The following LRP5 variants were observed in gnomAD, a reference collection of about 807,000 sequenced individuals.
LRP5 encodes the protein low-density lipoprotein receptor-related protein 5.
In LRP5, 62 loss-of-function variants were observed where a neutral mutation model predicts 154.1. That is an observed-to-expected ratio of 0.40 (90% CI 0.33 to 0.50). The LOEUF is 0.50. LRP5 is among the 20% of genes least tolerant of loss of function. The pLI, the probability that LRP5 is intolerant of heterozygous loss-of-function variation, is 0.55. For synonymous variants in LRP5, 966 were observed against 1,011.5 expected, an observed-to-expected ratio of 0.96 and a Z score of 0.85; for missense variants, 1,915 against 2,336.7, an observed-to-expected ratio of 0.82 and a Z score of 3.72.
At chr11:68,390,910 T>G (rs1565069020) in intron 7 of LRP5, among the ~76,000 whole-genome samples, 1 of 152,388 alleles carries the variant, frequency 6.6e-6, no homozygotes, top group East Asian at 1.9e-4. Flanking sequence ...CTTTGGCAGC[T>G]TTTTGCTCAC....
At chr11:68,358,940 A>G (rs1023073016) in intron 3 of LRP5, among the ~76,000 whole-genome samples, 7 of 152,202 alleles carry the variant, frequency 4.6e-5, no homozygotes, top group Non-Finnish European at 1.0e-4. Context: ...GTCTGTGCAG[A>G]GGGCAGTAGT....
chr11:68,443,613 A>G, intron 21 of LRP5, among the ~76,000 whole-genome samples: 1 of 100,274 alleles, frequency 1.0e-5, no homozygotes, highest in Non-Finnish European at 1.9e-5. Context: ...TATGTTCAGA[A>G]AGGCCTTCCC....
chr11:68,331,743 CTGTG>C (rs60278908), intron 1 of LRP5, among the ~76,000 whole-genome samples: 100,874 of 148,046 alleles, frequency 0.68, 35,494 homozygotes, highest in East Asian at 0.86. Context: ...TTCCTCTGGG[CTGTG>C]TGTGTGTGTG....
At position 68,425,150 on chromosome 11, in the gene LRP5, C is replaced by G; in HGVS notation, c.3285C>G (p.Arg1095=). 6.2e-7 allele frequency: 1 copy of G among 1,613,834 alleles called. No homozygotes were observed. Among genetic ancestry groups the G allele is most frequent in the Non-Finnish European group, 8.5e-7 (1 of 1,179,966 alleles). ...NMQDRAAKIE[R]AALDGTEREV... ...AGGACCGGGCAGCCAAGATCGAACG[C>G]GCAGCCCTGGACGGCACCGAGCGCG... The change falls in exon 15 of 23, where the codon CGC becomes CGG. Residue 1095 remains arginine (R), a synonymous_variant. Coordinates refer to ENST00000294304, the MANE Select transcript of LRP5 (RefSeq NM_002335.4).
chr11:68,301,086 C>T, the LRP5 span, among the ~76,000 whole-genome samples: 8 of 147,702 alleles, frequency 5.4e-5, no homozygotes, highest in African/African-American at 9.7e-5. Context: ...TGCACCACCA[C>T]GTCTGGCTAA....
At chr11:68,342,293 T>C (rs1308595777) in intron 1 of LRP5, among the ~76,000 whole-genome samples, 1 of 152,010 alleles carries the variant, frequency 6.6e-6, no homozygotes, top group Non-Finnish European at 1.5e-5. Flanking sequence ...TTCTCCCCTC[T>C]CCCCACCAAA....
At chr11:68,431,519 C>A (rs1358235564) in intron 17 of LRP5, among the ~76,000 whole-genome samples, 1 of 152,092 alleles carries the variant, frequency 6.6e-6, no homozygotes, top group Non-Finnish European at 1.5e-5. Flanking sequence ...GGATTACAGG[C>A]GTGAGCCACC....
At chr11:68,399,955 C>T (rs587397) in intron 7 of LRP5, among the ~76,000 whole-genome samples, 3 of 152,106 alleles carry the variant, frequency 2.0e-5, no homozygotes, top group African/African-American at 7.3e-5. Flanking sequence ...TGGGATTCTG[C>T]GATCTGGGTG....
intron 1 of LRP5, among the ~76,000 whole-genome samples, chr11:68,331,632 C>T (rs1421266261): frequency 6.6e-6 from 1 of 152,184 alleles, no homozygotes; most frequent in Non-Finnish European, 1.5e-5. Context: ...TGCTCCACCC[C>T]CAAACGTGCC....
chr11:68,400,306 A>G (rs1397021650), intron 7 of LRP5, among the ~76,000 whole-genome samples: 15 of 152,182 alleles, frequency 9.9e-5, no homozygotes, highest in Middle Eastern at 3.2e-3. Context: ...TTGCTCTTCA[A>G]TGAAGCCAGG....
intron 1 of LRP5, among the ~76,000 whole-genome samples, chr11:68,333,714 T>A (rs552476964): frequency 1.3e-5 from 2 of 152,204 alleles, no homozygotes; most frequent in Non-Finnish European, 2.9e-5. Context: ...TTATATAAAG[T>A]ATATGGATTA....
At position 68,447,666 on chromosome 11, in the gene LRP5, C is replaced by T. The variant is rs574581593; in HGVS notation, c.4586+1133C>T. ...ACCGCGGACACATCTTCCCCCCGCCCGCCGTCTGACCTCACAGCAGCTGGG... is the reference window on the plus strand; with the variant it reads ...ACCGCGGACACATCTTCCCCCCGCCTGCCGTCTGACCTCACAGCAGCTGGG... On this transcript the variant is annotated intron_variant, in intron 22 of 22. Transcript: ENST00000294304. The surrounding 1 kb of genome is among the most constrained non-coding windows in gnomAD (Gnocchi z 4.3). Among the ~76,000 whole-genome samples the T allele has an allele frequency of 9.9e-5, 15 of 152,254 alleles. No homozygotes were observed. The highest frequency in any genetic ancestry group is 1.3e-4 in the Non-Finnish European group (9 of 68,020).
At chr11:68,342,835 G>C (rs542895462) in intron 1 of LRP5, among the ~76,000 whole-genome samples, 8 of 152,238 alleles carry the variant, frequency 5.3e-5, no homozygotes, top group African/African-American at 1.9e-4. Flanking sequence ...AGTGTAAACC[G>C]TGGTGAAATG....
chr11:68,343,165 C>T (rs1169417241), intron 1 of LRP5, among the ~76,000 whole-genome samples: 1 of 152,256 alleles, frequency 6.6e-6, no homozygotes, highest in African/African-American at 2.4e-5. Context: ...CGGTCCCCCA[C>T]CTGCTTGAGC....
At position 68,386,253 on chromosome 11, in the gene LRP5, A is replaced by G. The variant is rs534690566; in HGVS notation, c.1016-63A>G. ...GTATTTCCCTTGCCCGGCCCACCCC[A>G]GGCCTAGACTTGTGCCTGCTGCAGG... On this transcript the variant is annotated intron_variant, in intron 5 of 22. Coordinates refer to ENST00000294304, the MANE Select transcript of LRP5 (RefSeq NM_002335.4). This position sits in a 1 kb window ranked among gnomAD's most constrained non-coding sequence, Gnocchi z 7.9. 9.9e-5 allele frequency: 158 copies of G among 1,598,184 alleles called. 2 individuals are homozygous for G. The South Asian group carries it at 1.7e-3, about 17-fold the overall frequency.
intron 1 of LRP5, among the ~76,000 whole-genome samples, chr11:68,317,411 A>AT (rs1432277961): frequency 6.6e-6 from 1 of 152,166 alleles, no homozygotes; most frequent in African/African-American, 2.4e-5. Flanking sequence ...CCTTGTCCAG[A>AT]TGGGGACCAG....
chr11:68,314,756 C>T (rs1312880781), intron 1 of LRP5, among the ~76,000 whole-genome samples: 9 of 152,222 alleles, frequency 5.9e-5, no homozygotes, highest in Non-Finnish European at 1.2e-4. Flanking sequence ...AGGCCAAGGC[C>T]GGGCCCTCTG....
chr11:68,400,418 A>C (rs1348605901), intron 7 of LRP5, among the ~76,000 whole-genome samples: 1 of 152,158 alleles, frequency 6.6e-6, no homozygotes, highest in Non-Finnish European at 1.5e-5. Context: ...AATCTCTCCA[A>C]GAGATAATAG....
chr11:68,407,259 C>T (rs1421802685), intron 9 of LRP5, among the ~76,000 whole-genome samples: 2 of 151,636 alleles, frequency 1.3e-5, no homozygotes, highest in East Asian at 2.0e-4. Context: ...ACCTCCGCCT[C>T]CCAGGTTCAA....
Sources: gnomAD v4.1 joint callset for allele counts (sites outside exome capture counted in the v4.1 genomes callset) on GRCh38, gnomAD v4.1.1 for gene constraint, Gnocchi (gnomAD v3.1) non-coding constraint, MANE v1.5 for transcripts, NCBI Gene and HGNC (gene_info 2026-07-23, HGNC 2026-07-21) for gene names.